The following CDAN1 variants were observed in gnomAD, a reference collection of about 807,000 sequenced individuals.
CDAN1 encodes the protein codanin-1.
Under a neutral mutation model 139.8 loss-of-function variants are expected in CDAN1, and 107 were observed. That is an observed-to-expected ratio of 0.77 (90% CI 0.65 to 0.90). CDAN1 has a LOEUF of 0.90. CDAN1 is among the 40% of genes least tolerant of loss of function. CDAN1 has a pLI of 0.00. For synonymous variants in CDAN1, 776 were observed against 660.6 expected, an observed-to-expected ratio of 1.17 and a Z score of -2.68; for missense variants, 1,667 against 1,575.7, an observed-to-expected ratio of 1.06 and a Z score of -0.98.
chr15:42,725,182 C>A lies in CDAN1; in HGVS notation c.3520G>T (p.Ala1174Ser). The change falls in exon 27 of 28, where the codon GCC (alanine) becomes TCC (serine). Residue 1174 changes from alanine (A) to serine (S), a missense_variant. By Grantham distance (99) the Ala-to-Ser change is moderately conservative. This residue lies in a region of CDAN1 where 936 missense variants were observed against 844.1 expected (regional missense o/e 1.11). Transcript: ENST00000356231. ...GCCTGGTGGAGGCTGCCCAGGCAGG[C>A]CTCTATCTCCATCCGTCCCATCAGA... Reference protein sequence around the residue: ...KGLMGRMEIEACLGSLHQAQW... With the variant: ...KGLMGRMEIESCLGSLHQAQW... 6.2e-7 allele frequency: 1 copy of A among 1,614,198 alleles called. No homozygotes were observed. Among genetic ancestry groups the A allele is most frequent in the Non-Finnish European group, 8.5e-7 (1 of 1,180,024 alleles).
In CDAN1 at chr15:42,728,223, G is replaced by A; in HGVS notation, c.2849C>T (p.Pro950Leu). 1.9e-6 allele frequency: 3 copies of A among 1,613,874 alleles called. No individual in the cohort carries two copies. The highest frequency in any genetic ancestry group is 2.5e-6 in the Non-Finnish European group (3 of 1,179,998). The change falls in exon 21 of 28, where the codon CCA (proline) becomes CTA (leucine). Residue 950 changes from proline to leucine, a missense_variant. Around this residue, in one of 3 missense-constraint regions of CDAN1, gnomAD observed 936 missense variants for 844.1 expected, o/e 1.11. Coordinates refer to ENST00000356231, the MANE Select transcript of CDAN1 (RefSeq NM_138477.4). ...ACGTACGGCTGCCGGGGTCTCCTCT[G>A]GAAGCAGCGCCCGCACAGCCCCAGG... ...KSPGAVRALL[P>L]EETPAAVLSS... is the part of the protein sequence containing the mutation.
In CDAN1 at chr15:42,730,949, G is replaced by T; in HGVS notation, c.1983C>A (p.Asp661Glu). ...CCTGGCTCCTGAGGGCCAGAATGGA[G>T]TCCTGAAGCTCACCGGTCGGGGGAG... is the stretch of plus-strand genomic sequence containing the variant. ...PEPPPTGELQ[D>E]SILALRSQVP... is the part of the protein sequence containing the mutation. Residue 661 changes from aspartate (D) to glutamate (E), a missense_variant, in exon 13 of 28, where the codon GAC becomes GAA. This residue lies in a region of CDAN1 where 936 missense variants were observed against 844.1 expected (regional missense o/e 1.11). Coordinates refer to ENST00000356231, the MANE Select transcript of CDAN1 (RefSeq NM_138477.4). 6.2e-7 allele frequency: 1 copy of T among 1,614,230 alleles called. No homozygotes were observed. Among genetic ancestry groups the T allele is most frequent in the Non-Finnish European group, 8.5e-7 (1 of 1,180,044 alleles).
rs1239487888 is a variant in CDAN1, at chr15:42,727,569, AGAGCAGGGGGGTGG to A, written c.3096+38_3096+51del. 5 of 1,455,298 alleles carry A rather than the reference AGAGCAGGGGGGTGG, an allele frequency of 3.4e-6. No individual in the cohort carries two copies. In the South Asian group the frequency reaches 4.2e-5, roughly 12 times the overall value. 90.1% of individuals were successfully genotyped at this position (1,455,298 alleles called of 1,614,324 possible). The stretch of plus-strand genomic sequence containing the variant: ...ATGTGAGAAAGGAAAAACCAGGAAC[AGAGCAGGGGGGTGG>A]GAGCAGGGAAGCCAAAGGGAGTAGG... On this transcript the variant is annotated intron_variant, in intron 23 of 27. Coordinates refer to ENST00000356231, the MANE Select transcript of CDAN1 (RefSeq NM_138477.4).
chr15:42,729,011 A>T lies in CDAN1; in HGVS notation c.2645+12T>A, dbSNP rs746805649. ...TAGGGCGATGAGACCAGGATCCTTA[A>T]CCCACTCTTACTTGATATGTTTGAC... On this transcript the variant is annotated intron_variant, in intron 19 of 27. Coordinates refer to ENST00000356231, the MANE Select transcript of CDAN1 (RefSeq NM_138477.4). 3.8e-5 allele frequency: 61 copies of T among 1,612,572 alleles called. No homozygotes were observed. Among genetic ancestry groups the T allele is most frequent in the Admixed American group, 2.2e-4 (13 of 59,994 alleles).
Position 42,736,580 on chromosome 15 carries a change from G to A in CDAN1, c.291C>T (p.Arg97=). The part of the protein sequence containing the change: ...GGPPRGSRGA[R]SQLFPPTEAQ... ...CCTCGGTCGGAGGGAAAAGCTGGCT[G>A]CGCGCCCCGCGGCTACCCCGCGGCG... is the stretch of plus-strand genomic sequence containing the variant. The change falls in exon 2 of 28, where the codon CGC becomes CGT. Residue 97 remains arginine, a synonymous_variant. Transcript: ENST00000356231. 1 of 1,491,374 alleles carries A rather than the reference G, an allele frequency of 6.7e-7. No individual in the cohort carries two copies. The highest frequency in any genetic ancestry group is 8.9e-7 in the Non-Finnish European group (1 of 1,122,192). The allele number at this position is 1,491,374 out of a possible 1,614,324, so 92.4% of individuals were successfully genotyped here.
At position 42,734,353 on chromosome 15, in the gene CDAN1, G is replaced by A; in HGVS notation, c.1137-7C>T. The A allele has an allele frequency of 6.2e-7, 1 of 1,613,970 alleles. No homozygotes were observed. Among genetic ancestry groups the A allele is most frequent in the Admixed American group, 1.7e-5 (1 of 60,012 alleles). On this transcript the variant is annotated splice_region_variant and splice_polypyrimidine_tract_variant and intron_variant, in intron 6 of 27. Transcript: ENST00000356231. The stretch of plus-strand genomic sequence containing the variant: ...GTCCAGGTTGGAAAGAACCCTGCAG[G>A]GACAAGAGCACCTATGACTGAGACC...
rs948561676 is a variant in CDAN1 at position 42,724,282 on chromosome 15, T to A, written c.*209A>T. 9 of 608,862 alleles carry A rather than the reference T, an allele frequency of 1.5e-5. No individual in the cohort carries two copies. The Admixed American group carries it at 2.1e-4, about 14-fold the overall frequency. The allele number at this position is 608,862 out of a possible 1,614,324, so 37.7% of individuals were successfully genotyped here. ...TCCAGGACTGGCATCTCTGGACTTTTCTGCCATAATCCCAAATCAGGCCAA... is the reference window on the plus strand; with the variant it reads ...TCCAGGACTGGCATCTCTGGACTTTACTGCCATAATCCCAAATCAGGCCAA... On this transcript the variant is annotated 3_prime_UTR_variant, in exon 28 of 28. Coordinates refer to ENST00000356231, the MANE Select transcript of CDAN1 (RefSeq NM_138477.4).
In CDAN1 at chr15:42,736,759, C is replaced by A; in HGVS notation, c.112G>T (p.Ala38Ser). 1 of 1,550,614 alleles carries A rather than the reference C, an allele frequency of 6.4e-7. No individual in the cohort carries two copies. The highest frequency in any genetic ancestry group is 1.4e-5 in the African/African-American group (1 of 70,826). The change falls in exon 2 of 28, where the codon GCG becomes TCG. Residue 38 changes from alanine (A) to serine (S), a missense_variant. Coordinates refer to ENST00000356231, the MANE Select transcript of CDAN1 (RefSeq NM_138477.4). Reference sequence around the variant, plus strand: ...CGCAGGGCCCGGAGTGAGCTCAGCGCGGCCGCCTCCCCAGCGTTATCCTAG... The same window carrying A: ...CGCAGGGCCCGGAGTGAGCTCAGCGAGGCCGCCTCCCCAGCGTTATCCTAG... ...GSEDNAGEAAALSSLRALRKE... is the reference protein window; with the variant it reads ...GSEDNAGEAASLSSLRALRKE...
intron 14 of CDAN1, 123 bp downstream of exon 14, chr15:42,730,475 T>A (rs539823569): frequency 4.2e-6 from 5 of 1,187,186 alleles, no homozygotes; most frequent in African/African-American, 3.0e-5. Flanking sequence ...CTCCCAGGGC[T>A]CAGTTATGGC....
rs763819600 is a variant in CDAN1 at position 42,727,999 on chromosome 15, A to G, written c.2903T>C (p.Leu968Pro). The change falls in exon 22 of 28, where the codon CTT (leucine) becomes CCT (proline). Residue 968 changes from leucine (L) to proline (P), a missense_variant. Transcript: ENST00000356231. ...CCAAGCACAGGCTTTCTCTGTTGCA[A>G]GCCCCACAGCAATGTTCTCTGCACT... Reference protein sequence around the residue: ...LSSAENIAVGLATEKACAWLS... With the variant: ...LSSAENIAVGPATEKACAWLS... 1 of 1,614,018 alleles carries G rather than the reference A, an allele frequency of 6.2e-7. No homozygotes were observed. Among genetic ancestry groups the G allele is most frequent in the African/African-American group, 1.3e-5 (1 of 74,910 alleles).
At position 42,731,070 on chromosome 15, in the gene CDAN1, C is replaced by T; in HGVS notation, c.1862G>A (p.Gly621Asp). Residue 621 changes from glycine (G) to aspartate (D), a missense_variant and splice_region_variant, in exon 13 of 28, where the codon GGT becomes GAT. By Grantham distance (94) the Gly-to-Asp change is moderately conservative. Around this residue, in one of 3 missense-constraint regions of CDAN1, gnomAD observed 936 missense variants for 844.1 expected, o/e 1.11. Coordinates refer to ENST00000356231, the MANE Select transcript of CDAN1 (RefSeq NM_138477.4). The part of the protein sequence containing the change: ...EDGESDVDWQ[G>D]ERKQFAVVLL... The stretch of plus-strand genomic sequence containing the variant: ...CACCACAGCAAATTGCTTCCGCTCA[C>T]CCTGCATGGAATCAAGGGAAGTAAA... 3.7e-6 allele frequency: 6 copies of T among 1,614,214 alleles called. No individual in the cohort carries two copies. Among genetic ancestry groups the T allele is most frequent in the Non-Finnish European group, 4.2e-6 (5 of 1,180,044 alleles).
rs2061525132 is a variant in CDAN1, at chr15:42,726,215, T to C, written c.3205-55A>G. The C allele has an allele frequency of 1.7e-5, 28 of 1,606,622 alleles. No individual in the cohort carries two copies. In the South Asian group the frequency reaches 3.0e-4, roughly 17 times the overall value. The stretch of plus-strand genomic sequence containing the variant: ...CCATAGGTATCACCATGCTTACTGC[T>C]GCGAGAACTGGCCCTGAGCCAGTGT... On this transcript the variant is annotated intron_variant, in intron 24 of 27. Transcript: ENST00000356231.
At chr15:42,730,020 C>A in intron 15 of CDAN1, 108 bp downstream of exon 15, 1 of 1,275,320 alleles carries the variant, frequency 7.8e-7, no homozygotes, top group East Asian at 2.5e-5. Context: ...CCAGGCCTTT[C>A]CTGAACCTTC....
Position 42,736,479 on chromosome 15 carries a change from C to T in CDAN1, c.392G>A (p.Arg131His), listed in dbSNP as rs1165157914. ...CCCCTCCTCCAGGCCGCGGCCTCCA[C>T]GCTCGCGGGCCGGCCCCGGGCCCCG... ...RRRGPGPARERGGRGLEEGVS... is the reference protein window; with the variant it reads ...RRRGPGPAREHGGRGLEEGVS... The change falls in exon 2 of 28, where the codon CGT (arginine) becomes CAT (histidine). Residue 131 changes from arginine (R) to histidine (H), a missense_variant. Physicochemically the swap from Arg to His is conservative, Grantham distance 29. Around this residue, in one of 3 missense-constraint regions of CDAN1, gnomAD observed 487 missense variants for 422.2 expected, o/e 1.15. Transcript: ENST00000356231. The T allele has an allele frequency of 1.0e-5, 15 of 1,469,082 alleles. No homozygotes were observed. In the East Asian group the frequency reaches 1.6e-4, roughly 16 times the overall value. 91.0% of individuals were successfully genotyped at this position (1,469,082 alleles called of 1,614,324 possible).
rs746728586 is a variant in CDAN1 at position 42,736,427 on chromosome 15, G to T, written c.444C>A (p.Ala148=). Residue 148 remains alanine (A), a synonymous_variant, in exon 2 of 28, where the codon GCC becomes GCA. Coordinates refer to ENST00000356231, the MANE Select transcript of CDAN1 (RefSeq NM_138477.4). ...CAGAGCCCCTAAGCCTCCGGCCCCCGGCTCCGGGCAGGCTCTCCCCGCTGA... is the reference window on the plus strand; with the variant it reads ...CAGAGCCCCTAAGCCTCCGGCCCCCTGCTCCGGGCAGGCTCTCCCCGCTGA... The part of the protein sequence containing the change: ...EGVSGESLPG[A]GGRRLRGSGS... The T allele has an allele frequency of 8.7e-6, 14 of 1,601,792 alleles. No individual in the cohort carries two copies. The East Asian group carries it at 2.7e-4, about 31-fold the overall frequency.
rs766595343 is a variant in CDAN1 at position 42,735,244 on chromosome 15, G to C, written c.1057+17C>G. Reference sequence around the variant, plus strand: ...GTTTCTAGACCCCATGTCTCAAAAGGAGGCTTGCTCACTGACCTAGGACAG... The same window carrying C: ...GTTTCTAGACCCCATGTCTCAAAAGCAGGCTTGCTCACTGACCTAGGACAG... On this transcript the variant is annotated intron_variant, in intron 5 of 27. Transcript: ENST00000356231. 1 of 1,603,248 alleles carries C rather than the reference G, an allele frequency of 6.2e-7. No homozygotes were observed. Among genetic ancestry groups the C allele is most frequent in the Non-Finnish European group, 8.5e-7 (1 of 1,172,658 alleles).
At chr15:42,726,922 T>C (rs539778427) in intron 23 of CDAN1, 1 of 174,142 alleles carries the variant, frequency 5.7e-6, no homozygotes, top group Non-Finnish European at 1.2e-5. Context: ...TCATTGTACC[T>C]TATAGTCCCT....
intron 8 of CDAN1, among the ~76,000 whole-genome samples, 166 bp downstream of exon 8, chr15:42,733,770 CAT>C (rs2061647647): frequency 6.6e-6 from 1 of 152,170 alleles, no homozygotes; most frequent in Non-Finnish European, 1.5e-5. Context: ...CACAGATGCA[CAT>C]GAGAATGAAG....
At position 42,731,325 on chromosome 15, in the gene CDAN1, C is replaced by T. The variant is rs2061608997; in HGVS notation, c.1746G>A (p.Gln582=). Residue 582 remains glutamine (Q), a synonymous_variant, in exon 12 of 28, where the codon CAG becomes CAA. Coordinates refer to ENST00000356231, the MANE Select transcript of CDAN1 (RefSeq NM_138477.4). ...GACTGTCCATGAGATGCTGGTTAAA[C>T]TGGAAGCTGAGAAGAAGGGGTGGGT... ...RDFILSASSF[Q]FNQHLMDSLS... 6.2e-7 allele frequency: 1 copy of T among 1,613,764 alleles called. No individual in the cohort carries two copies. Among genetic ancestry groups the T allele is most frequent in the Non-Finnish European group, 8.5e-7 (1 of 1,180,040 alleles).
Sources: gnomAD v4.1 joint callset for allele counts (sites outside exome capture counted in the v4.1 genomes callset) on GRCh38, gnomAD v4.1.1 for gene constraint, gnomAD v4.1.1 regional missense constraint, MANE v1.5 for transcripts, NCBI Gene and HGNC (gene_info 2026-07-23, HGNC 2026-07-21) for gene names.